ADAMTSL1: variants seen among roughly 807,000 people sequenced by gnomAD.
ADAMTSL1 encodes ADAMTS like 1.
ADAMTSL1 carries 126 observed loss-of-function variants against 201.8 expected under a neutral mutation model. The observed-to-expected ratio is 0.62, with a 90% CI of 0.54 to 0.72. The LOEUF is 0.72. ADAMTSL1 is among the 30% of genes least tolerant of loss of function. The pLI, the probability that ADAMTSL1 is intolerant of heterozygous loss-of-function variation, is 0.00. For missense variants in ADAMTSL1, 2,679 were observed against 2,277.8 expected (o/e 1.18, Z -3.59); for synonymous variants, 1,121 against 903.4 (o/e 1.24, Z -4.32).
chr9:18,681,588 T>G, intron 11 of ADAMTSL1: 1 of 330,168 alleles, frequency 3.0e-6, no homozygotes, highest in Non-Finnish European at 5.6e-6. Flanking sequence ...TCCAAAGCTA[T>G]GGAATTGAAA....
intron 2 of ADAMTSL1, among the ~76,000 whole-genome samples, chr9:18,433,266 G>C (rs1221120165): frequency 1.3e-5 from 2 of 151,990 alleles, no homozygotes; most frequent in African/African-American, 4.8e-5. Flanking sequence ...TCTTAATATA[G>C]ATTCTATTGG....
At chr9:18,613,754 C>T (rs1288809584) in intron 4 of ADAMTSL1, among the ~76,000 whole-genome samples, 1 of 151,978 alleles carries the variant, frequency 6.6e-6, no homozygotes, top group Non-Finnish European at 1.5e-5. Flanking sequence ...AGAGGAGGGA[C>T]AGGATCAGAA....
intron 2 of ADAMTSL1, among the ~76,000 whole-genome samples, chr9:18,529,516 TC>T (rs1382969030): frequency 1.3e-5 from 2 of 152,184 alleles, no homozygotes; most frequent in African/African-American, 4.8e-5. Context: ...AGTTTTCTCA[TC>T]TATTAAATAG....
intron 11 of ADAMTSL1, 114 bp from the exon 12 acceptor site, chr9:18,681,698 G>GTTGGGA (rs66675938): frequency 1.9e-5 from 6 of 323,004 alleles, no homozygotes; most frequent in African/African-American, 5.4e-5. Flanking sequence ...GTCCTCGTGT[G>GTTGGGA]GGGGGGGGGG....
At chr9:18,320,209 G>C (rs757120297) in intron 2 of ADAMTSL1, among the ~76,000 whole-genome samples, 2 of 152,198 alleles carry the variant, frequency 1.3e-5, no homozygotes, top group African/African-American at 4.8e-5. Flanking sequence ...CATGTGAGTT[G>C]CTAAGAAAAG....
chr9:18,419,281 G>C (rs977294812), intron 2 of ADAMTSL1, among the ~76,000 whole-genome samples: 2 of 152,192 alleles, frequency 1.3e-5, no homozygotes, highest in African/African-American at 2.4e-5. Flanking sequence ...TTGTGACCTA[G>C]GATTAGGCAA....
chr9:18,529,509 T>A (rs757323126), intron 2 of ADAMTSL1, among the ~76,000 whole-genome samples: 4 of 152,184 alleles, frequency 2.6e-5, no homozygotes, highest in Non-Finnish European at 5.9e-5. Flanking sequence ...CTGCCTCAGT[T>A]TTCTCATCTA....
intron 2 of ADAMTSL1, among the ~76,000 whole-genome samples, chr9:18,263,298 A>G (rs10116041): frequency 0.19 from 28,248 of 152,136 alleles, 3,457 homozygotes; most frequent in Admixed American, 0.38. Context: ...ATCTAACATT[A>G]TTGAAACTCC....
rs560850603 is a variant in ADAMTSL1, at chr9:18,200,571, A to T, written c.207+36590A>T. ...CTTAAAGTTGCAAACATGGGTTATT[A>T]TATGCATCCTTTGACTTTGAATGGC... On this transcript the variant is annotated intron_variant, in intron 2 of 29. Coordinates refer to the ADAMTSL1 transcript ENST00000680146. Among the ~76,000 whole-genome samples, 3 of 152,130 alleles carry T rather than the reference A, an allele frequency of 2.0e-5. No homozygotes were observed. In the South Asian group the frequency reaches 6.2e-4, roughly 32 times the overall value.
intron 1 of ADAMTSL1, among the ~76,000 whole-genome samples, chr9:18,502,083 G>C (rs1822872441): frequency 6.6e-6 from 1 of 152,182 alleles, no homozygotes; most frequent in Non-Finnish European, 1.5e-5. Flanking sequence ...AACAGCCAGA[G>C]GGAAACTCTC....
intron 1 of ADAMTSL1, among the ~76,000 whole-genome samples, chr9:17,939,116 C>G (rs1031511793): frequency 4.6e-5 from 7 of 152,096 alleles, no homozygotes; most frequent in African/African-American, 1.7e-4. Flanking sequence ...CCACTCATAG[C>G]TTATTTATAC....
chr9:18,319,181 A>T (rs938903551), intron 2 of ADAMTSL1, among the ~76,000 whole-genome samples: 6 of 152,314 alleles, frequency 3.9e-5, no homozygotes, highest in African/African-American at 1.4e-4. Flanking sequence ...AGCCTGGGCA[A>T]TAGAGTGAGA....
chr9:18,606,093 C>A (rs372990579), intron 4 of ADAMTSL1, among the ~76,000 whole-genome samples: 3 of 152,114 alleles, frequency 2.0e-5, no homozygotes, highest in African/African-American at 7.2e-5. Context: ...CGCCCAGATG[C>A]GAGCTGTTTG....
At chr9:18,532,821 T>G (rs1819526649) in intron 2 of ADAMTSL1, among the ~76,000 whole-genome samples, 1 of 151,776 alleles carries the variant, frequency 6.6e-6, no homozygotes, top group Admixed American at 6.6e-5. Context: ...TTCTTAGAAT[T>G]ATGATTTTAA....
rs1300418503 is a variant in ADAMTSL1, at chr9:17,973,039, A to T, written c.87+66117A>T. Among the ~76,000 whole-genome samples the T allele has an allele frequency of 2.2e-4, 29 of 134,366 alleles. 1 individual carries two copies. The highest frequency in any genetic ancestry group is 7.4e-4 in the African/African-American group (27 of 36,702). The allele number at this position is 134,366 out of a possible 152,430, so 88.1% of individuals were successfully genotyped here. A position where few individuals can be genotyped will look rare whatever the true frequency, so the allele number is the denominator to read the frequency against. On this transcript the variant is annotated intron_variant, in intron 1 of 29. Transcript: ENST00000680146. ...TGTTTTTTTCTTGTAAATTTGTTTGAGTTCATTGTAGATTCTGGATATTAA... is the reference window on the plus strand; with the variant it reads ...TGTTTTTTTCTTGTAAATTTGTTTGTGTTCATTGTAGATTCTGGATATTAA...
chr9:18,219,888 T>C (rs1039292757), intron 2 of ADAMTSL1, among the ~76,000 whole-genome samples: 2 of 152,206 alleles, frequency 1.3e-5, no homozygotes, highest in Non-Finnish European at 2.9e-5. Flanking sequence ...CTTGCTAAAC[T>C]CTCATATTAG....
At chr9:18,543,767 C>A (rs527903851) in intron 3 of ADAMTSL1, among the ~76,000 whole-genome samples, 1 of 152,326 alleles carries the variant, frequency 6.6e-6, no homozygotes, top group South Asian at 2.1e-4. Context: ...GATCTCCCTG[C>A]AGTGCTTGCT....
intron 2 of ADAMTSL1, among the ~76,000 whole-genome samples, chr9:18,187,397 G>T (rs750699454): frequency 6.6e-6 from 1 of 152,050 alleles, no homozygotes; most frequent in Non-Finnish European, 1.5e-5. Flanking sequence ...CCTGTCCATA[G>T]GTTCACATTG....
intron 1 of ADAMTSL1, among the ~76,000 whole-genome samples, chr9:18,102,383 A>G (rs145946634): frequency 2.0e-5 from 3 of 152,220 alleles, no homozygotes; most frequent in Admixed American, 6.5e-5. Flanking sequence ...TGAGAAACAG[A>G]CATGGTATTT....
Sources: gnomAD v4.1 joint callset for allele counts (sites outside exome capture counted in the v4.1 genomes callset) on GRCh38, gnomAD v4.1.1 for gene constraint, MANE v1.5 for transcripts, NCBI Gene and HGNC (gene_info 2026-07-23, HGNC 2026-07-21) for gene names.